The following ERC1 variants were observed in gnomAD, a reference collection of about 807,000 sequenced individuals.
ERC1 encodes RAB6 interacting protein 2.
In ERC1, 56 loss-of-function variants were observed where a neutral mutation model predicts 132.0. The observed-to-expected ratio is 0.42, with a 90% CI of 0.34 to 0.53. The LOEUF (loss-of-function observed/expected upper bound fraction) is 0.53. Among genes scored for constraint, ERC1 ranks in the 20% least tolerant of loss-of-function variants. ERC1 has a pLI of 0.03. For synonymous variants in ERC1, 478 were observed against 476.1 expected (o/e 1.00, Z -0.05); for missense variants, 1,202 against 1,349.9 (o/e 0.89, Z 1.72).
At chr12:1,322,221 T>C (rs1046419694) in intron 15 of ERC1, among the ~76,000 whole-genome samples, 4 of 143,786 alleles carry the variant, frequency 2.8e-5, no homozygotes, top group African/African-American at 1.0e-4. Flanking sequence ...TTCATAAGAA[T>C]GCTGTAAACA....
At chr12:1,019,353 T>C (rs1965985874) in intron 1 of ERC1, among the ~76,000 whole-genome samples, 2 of 152,138 alleles carry the variant, frequency 1.3e-5, no homozygotes, top group African/African-American at 4.8e-5. Flanking sequence ...TTGAACTCCT[T>C]AGCTCAAGTG....
At chr12:1,488,739 C>G (rs142569474) in intron 18 of ERC1, among the ~76,000 whole-genome samples, 161 of 152,270 alleles carry the variant, frequency 1.1e-3, no homozygotes, top group African/African-American at 3.4e-3. Context: ...CTGCTGTCTC[C>G]TTCGTTCTTG....
intron 18 of ERC1, among the ~76,000 whole-genome samples, chr12:1,466,057 T>A (rs2093736597): frequency 6.6e-6 from 1 of 152,230 alleles, no homozygotes; most frequent in Non-Finnish European, 1.5e-5. Flanking sequence ...GGTTAGGTCC[T>A]GTGGCACTGC....
At chr12:1,255,477 G>T (rs530212186) in intron 13 of ERC1, among the ~76,000 whole-genome samples, 12 of 151,980 alleles carry the variant, frequency 7.9e-5, no homozygotes, top group African/African-American at 2.7e-4. Flanking sequence ...TGGGATTGCC[G>T]GGTCAAATGG....
At chr12:1,284,423 A>G (rs1277952727) in intron 14 of ERC1, among the ~76,000 whole-genome samples, 6 of 152,140 alleles carry the variant, frequency 3.9e-5, no homozygotes, top group Non-Finnish European at 8.8e-5. Context: ...TCTATTTGAT[A>G]TACTGATTTC....
chr12:1,095,396 C>T (rs1201169320), intron 3 of ERC1, among the ~76,000 whole-genome samples: 2 of 21,064 alleles, frequency 9.5e-5, no homozygotes, highest in Non-Finnish European at 1.4e-4. Flanking sequence ...TGCCACTGCA[C>T]CAAAAAAAAA....
At chr12:1,124,837 T>C (rs948023180) in intron 7 of ERC1, among the ~76,000 whole-genome samples, 2 of 151,932 alleles carry the variant, frequency 1.3e-5, no homozygotes, top group African/African-American at 4.8e-5. Context: ...AAGAAATAAG[T>C]TTCTGGAAAA....
At chr12:1,291,383 C>T (rs1290793242) in intron 15 of ERC1, among the ~76,000 whole-genome samples, 2 of 152,174 alleles carry the variant, frequency 1.3e-5, no homozygotes, top group Non-Finnish European at 2.9e-5. Context: ...AAAGTCCTCC[C>T]TGTGACTGTT....
chr12:1,266,929 T>G lies in ERC1; in HGVS notation c.2619+3764T>G, dbSNP rs190813954. Among the ~76,000 whole-genome samples, 71 of 152,288 alleles carry G rather than the reference T, an allele frequency of 4.7e-4. No individual in the cohort carries two copies. In the East Asian group the frequency reaches 0.012, roughly 26 times the overall value. The stretch of plus-strand genomic sequence containing the variant: ...AGGTAGGATATCTACATCTCTTAAT[T>G]CCTCCAAGAGCAAAGTAAAATTGTA... On this transcript the variant is annotated intron_variant, in intron 14 of 18. Coordinates refer to ENST00000360905, the MANE Select transcript of ERC1 (RefSeq NM_178040.4).
intron 16 of ERC1, among the ~76,000 whole-genome samples, chr12:1,402,788 A>G (rs2091186664): frequency 6.6e-6 from 1 of 152,180 alleles, no homozygotes; most frequent in South Asian, 2.1e-4. Context: ...ATTGTTCATG[A>G]AGAAAAGACC....
chr12:1,472,921 T>G (rs1248053558), intron 18 of ERC1, among the ~76,000 whole-genome samples: 1 of 152,250 alleles, frequency 6.6e-6, no homozygotes. Context: ...AGTCCCTTTA[T>G]ATCACCACTT....
At chr12:1,271,636 C>T (rs1398495246) in intron 14 of ERC1, among the ~76,000 whole-genome samples, 1 of 152,194 alleles carries the variant, frequency 6.6e-6, no homozygotes, top group African/African-American at 2.4e-5. Context: ...TTATAGCACA[C>T]TATGGCCTCG....
chr12:1,305,944 C>T (rs1457511134), intron 15 of ERC1, among the ~76,000 whole-genome samples: 1 of 152,164 alleles, frequency 6.6e-6, no homozygotes, highest in Non-Finnish European at 1.5e-5. Flanking sequence ...CAGCAGAAGG[C>T]AATGATGAAA....
At chr12:1,042,147 C>T (rs1272532450) in intron 2 of ERC1, among the ~76,000 whole-genome samples, 1 of 152,056 alleles carries the variant, frequency 6.6e-6, no homozygotes, top group Non-Finnish European at 1.5e-5. Flanking sequence ...ACGCCATTCT[C>T]CTGCCTCAGC....
intron 17 of ERC1, among the ~76,000 whole-genome samples, chr12:1,412,112 G>A (rs113047990): frequency 0.026 from 3,892 of 152,264 alleles, 197 homozygotes; most frequent in African/African-American, 0.088. Context: ...AAAATGTGCT[G>A]TAAACCTCAT....
intron 16 of ERC1, among the ~76,000 whole-genome samples, chr12:1,378,204 A>C (rs1200287225): frequency 1.3e-5 from 2 of 152,230 alleles, no homozygotes; most frequent in Non-Finnish European, 2.9e-5. Flanking sequence ...TACTTTTTTA[A>C]GAAAAGGCTC....
intron 15 of ERC1, among the ~76,000 whole-genome samples, chr12:1,363,631 T>C (rs1417718929): frequency 7.0e-6 from 1 of 143,882 alleles, no homozygotes; most frequent in Non-Finnish European, 1.5e-5. Context: ...CACGGCTCAC[T>C]GCAGCCTCGA....
intron 7 of ERC1, among the ~76,000 whole-genome samples, chr12:1,132,502 G>A (rs533167388): frequency 2.6e-5 from 4 of 152,192 alleles, no homozygotes; most frequent in South Asian, 2.1e-4. Flanking sequence ...ATTTATGTCC[G>A]GTCAGCATTG....
chr12:1,144,622 A>ATATATATATATACGTGTATATATATACG (rs1950165813), intron 8 of ERC1, among the ~76,000 whole-genome samples: 2 of 149,606 alleles, frequency 1.3e-5, no homozygotes, highest in African/African-American at 2.5e-5. Context: ...TGGTATATAT[A>ATATATATATATACGTGTATATATATACG]TATATATATA....
Sources: allele counts gnomAD v4.1 joint callset (sites outside exome capture counted in the v4.1 genomes callset), GRCh38; gene constraint gnomAD v4.1.1; transcripts MANE v1.5; gene names NCBI Gene and HGNC (gene_info 2026-07-23, HGNC 2026-07-21).